RNF168: variants seen among roughly 807,000 people sequenced by gnomAD.
The protein encoded by RNF168 is ring finger protein 168, also known as E3 ubiquitin-protein ligase RNF168.
RNF168 carries 34 observed loss-of-function variants against 34.9 expected under a neutral mutation model. The observed-to-expected ratio is 0.97, with a 90% CI of 0.74 to 1.30. The LOEUF (loss-of-function observed/expected upper bound fraction) is 1.30. Ranked by LOEUF, RNF168 falls within the 50% of genes most tolerant of loss-of-function variation. The pLI, the probability that RNF168 is intolerant of heterozygous loss-of-function variation, is 0.00. For missense variants in RNF168, 725 were observed against 682.5 expected (o/e 1.06, Z -0.69); for synonymous variants, 264 against 254.7 (o/e 1.04, Z -0.35).
rs1397396522 is a variant in RNF168, at chr3:196,471,277, T to C, written c.*542A>G. 1 of 139,884 alleles carries C rather than the reference T, an allele frequency of 7.1e-6. No individual in the cohort carries two copies. The highest frequency in any genetic ancestry group is 2.6e-5 in the African/African-American group (1 of 37,962). The allele number at this position is 139,884 out of a possible 1,614,324, so 8.7% of individuals were successfully genotyped here. On this transcript the variant is annotated 3_prime_UTR_variant, in exon 6 of 6. Coordinates refer to ENST00000318037, the MANE Select transcript of RNF168 (RefSeq NM_152617.4). ...TATGAATCCAAATTTTGAAACTCCG[T>C]CTAAAAAAAAAAAACAAACACCAAA...
rs935880848 is a variant in RNF168, at chr3:196,472,497, C to T, written c.1038G>A (p.Met346Ile). ...ACCCACTTTCTGTTCTGCCACAAGG[C>T]ATAACTGCAGTTTCTTTCGAGTAGG... ...RVPYSKETAV[M>I]PCGRTESGCA... is the part of the protein sequence containing the mutation. The change falls in exon 6 of 6, where the codon ATG becomes ATA. Residue 346 changes from methionine to isoleucine, a missense_variant. Coordinates refer to ENST00000318037, the MANE Select transcript of RNF168 (RefSeq NM_152617.4). 1 of 1,614,254 alleles carries T rather than the reference C, an allele frequency of 6.2e-7. No individual in the cohort carries two copies. Among genetic ancestry groups the T allele is most frequent in the African/African-American group, 1.3e-5 (1 of 75,074 alleles).
At chr3:196,478,602 T>C (rs1275762493) in intron 4 of RNF168, among the ~76,000 whole-genome samples, 1 of 152,168 alleles carries the variant, frequency 6.6e-6, no homozygotes, top group African/African-American at 2.4e-5. Context: ...TTTTAACATA[T>C]GTAACCAATT....
intron 4 of RNF168, among the ~76,000 whole-genome samples, chr3:196,478,479 C>T (rs1732205629): frequency 6.6e-6 from 1 of 152,296 alleles, no homozygotes; most frequent in African/African-American, 2.4e-5. Flanking sequence ...TAATCTTCTT[C>T]CGACATGTGG....
chr3:196,486,562 G>A (rs989464272), intron 3 of RNF168, among the ~76,000 whole-genome samples: 16 of 152,254 alleles, frequency 1.1e-4, no homozygotes, highest in Admixed American at 2.0e-4. Context: ...TCAAACTCCT[G>A]GGCTCAAGCG....
rs770809740 is a variant in RNF168, at chr3:196,485,081, C to T, written c.559-1190G>A. Among the ~76,000 whole-genome samples, 13 of 152,166 alleles carry T rather than the reference C, an allele frequency of 8.5e-5. No homozygotes were observed. In the South Asian group the frequency reaches 1.0e-3, roughly 12 times the overall value. On this transcript the variant is annotated intron_variant, in intron 3 of 5. Coordinates refer to ENST00000318037, the MANE Select transcript of RNF168 (RefSeq NM_152617.4). Reference sequence around the variant, plus strand: ...ATATTTTAGTTCTGGACTTTAAGGGCGTATTAATAAAAATCACAAATATTT... The same window carrying T: ...ATATTTTAGTTCTGGACTTTAAGGGTGTATTAATAAAAATCACAAATATTT...
chr3:196,474,554 TCTC>T (rs2108644993), intron 5 of RNF168, among the ~76,000 whole-genome samples: 1 of 150,570 alleles, frequency 6.6e-6, no homozygotes, highest in South Asian at 2.1e-4. Flanking sequence ...TTCAAGCAAT[TCTC>T]CTGCCTCAGC....
intron 4 of RNF168, among the ~76,000 whole-genome samples, chr3:196,477,254 T>C (rs1162366320): frequency 2.0e-5 from 3 of 152,216 alleles, no homozygotes; most frequent in South Asian, 2.1e-4. Context: ...AAAATGTTGG[T>C]TGTCTCCAAA....
At chr3:196,496,892 C>G (rs1189786378) in intron 1 of RNF168, among the ~76,000 whole-genome samples, 3 of 152,186 alleles carry the variant, frequency 2.0e-5, no homozygotes, top group African/African-American at 7.2e-5. Context: ...CGCCTGTAAT[C>G]CCAGCACTTT....
chr3:196,470,843 C>T lies in RNF168; in HGVS notation c.*976G>A, dbSNP rs1379986976. ...ACTAATTCCCAATTTCCTAGAAAAC[C>T]CTGATTTTCTGATTTAACACTGATT... On this transcript the variant is annotated 3_prime_UTR_variant, in exon 6 of 6. Transcript: ENST00000318037. 1 of 152,356 alleles carries T rather than the reference C, an allele frequency of 6.6e-6. No homozygotes were observed. The highest frequency in any genetic ancestry group is 2.4e-5 in the African/African-American group (1 of 41,436). 9.4% of individuals were successfully genotyped at this position (152,356 alleles called of 1,614,324 possible). A position where few individuals can be genotyped will look rare whatever the true frequency, so the allele number is the denominator to read the frequency against.
At chr3:196,475,993 G>A (rs1332919572) in intron 4 of RNF168, among the ~76,000 whole-genome samples, 1 of 151,832 alleles carries the variant, frequency 6.6e-6, no homozygotes, top group East Asian at 1.9e-4. Context: ...CTGAGTAGCT[G>A]GGATTACAGG....
In RNF168 at chr3:196,472,688, G is replaced by C; in HGVS notation, c.847C>G (p.Leu283Val). Residue 283 changes from leucine (L) to valine (V), a missense_variant, in exon 6 of 6, where the codon CTT becomes GTT. Leu to Val is a conservative substitution (Grantham distance 32, BLOSUM62 1). Coordinates refer to ENST00000318037, the MANE Select transcript of RNF168 (RefSeq NM_152617.4). ...DMPTLSPQIS[L>V]GVGEQGADSS... ...TCTGCACCTTGTTCTCCAACTCCAA[G>C]GGATATCTGTGGAGAAAGTGTCGGC... The C allele has an allele frequency of 6.2e-7, 1 of 1,606,368 alleles. No individual in the cohort carries two copies. The highest frequency in any genetic ancestry group is 8.5e-7 in the Non-Finnish European group (1 of 1,173,406).
chr3:196,485,784 AT>A (rs62667860), intron 3 of RNF168, among the ~76,000 whole-genome samples: 1 of 151,600 alleles, frequency 6.6e-6, no homozygotes, highest in Admixed American at 6.6e-5. Context: ...ATACATATAT[AT>A]TTTTTTATTC....
intron 4 of RNF168, among the ~76,000 whole-genome samples, chr3:196,480,102 A>G (rs1009998777): frequency 1.3e-5 from 2 of 152,208 alleles, no homozygotes; most frequent in Middle Eastern, 3.2e-3. Flanking sequence ...ACACACACAA[A>G]AATTCACCAG....
In RNF168 at chr3:196,480,997, G is replaced by A. The variant is rs970453373; in HGVS notation, c.680+2773C>T. ...ACTTTTATTTTCTGATACTACTATC[G>A]ACAGAGTATTTTTAAAGTTACATTT... On this transcript the variant is annotated intron_variant, in intron 4 of 5. Coordinates refer to ENST00000318037, the MANE Select transcript of RNF168 (RefSeq NM_152617.4). Among the ~76,000 whole-genome samples, 11 of 151,956 alleles carry A rather than the reference G, an allele frequency of 7.2e-5. No homozygotes were observed. The East Asian group carries it at 1.9e-3, about 27-fold the overall frequency.
intron 1 of RNF168, among the ~76,000 whole-genome samples, chr3:196,497,840 G>A (rs1211459614): frequency 6.6e-6 from 1 of 152,016 alleles, no homozygotes; most frequent in Non-Finnish European, 1.5e-5. Context: ...AAGAATATCT[G>A]GCAAAGTACC....
chr3:196,499,374 T>C (rs13324746), intron 1 of RNF168, among the ~76,000 whole-genome samples: 3,262 of 152,272 alleles, frequency 0.021, 123 homozygotes, highest in African/African-American at 0.075. Context: ...CCCTGCTCCC[T>C]GCTAGCATCT....
At position 196,487,464 on chromosome 3, in the gene RNF168, G is replaced by GC; in HGVS notation, c.492dup (p.Arg165AlafsTer11). ...TTCAGTTGTTCTTCCATCGCTCTTCGCCTTTTTTCTGCCTGTCTTTTTTCC... is the reference window on the plus strand; with the variant it reads ...TTCAGTTGTTCTTCCATCGCTCTTCGCCCTTTTTTCTGCCTGTCTTTTTTCC... On this transcript the variant is annotated frameshift_variant, in exon 3 of 6. Coordinates refer to ENST00000318037, the MANE Select transcript of RNF168 (RefSeq NM_152617.4). LOFTEE classifies it high-confidence loss of function. 6.2e-7 allele frequency: 1 copy of GC among 1,613,952 alleles called. No individual in the cohort carries two copies. The highest frequency in any genetic ancestry group is 8.5e-7 in the Non-Finnish European group (1 of 1,179,884).
intron 4 of RNF168, among the ~76,000 whole-genome samples, chr3:196,479,711 C>T (rs1446738031): frequency 6.6e-6 from 1 of 151,784 alleles, no homozygotes; most frequent in East Asian, 1.9e-4. Context: ...CTGGCTCAGC[C>T]TCCCCAGTAG....
intron 1 of RNF168, among the ~76,000 whole-genome samples, chr3:196,500,717 A>T (rs1185363894): frequency 2.7e-5 from 4 of 147,874 alleles, no homozygotes; most frequent in Admixed American, 6.8e-5. Flanking sequence ...TTTTACCACA[A>T]TTTTTTTTTT....
Sources: gnomAD v4.1 joint callset for allele counts (sites outside exome capture counted in the v4.1 genomes callset) on GRCh38, gnomAD v4.1.1 for gene constraint, MANE v1.5 for transcripts, NCBI Gene and HGNC (gene_info 2026-07-23, HGNC 2026-07-21) for gene names.